The following CASD1 variants were observed in gnomAD, a reference collection of about 807,000 sequenced individuals.
The protein encoded by CASD1 is CAS1 domain sialic acid O acetyltransferase 1.
A neutral mutation model predicts 100.0 loss-of-function variants in CASD1; 41 were observed. The observed-to-expected ratio is 0.41, with a 90% CI of 0.32 to 0.53. The LOEUF (loss-of-function observed/expected upper bound fraction) is 0.53, where lower values mean the gene tolerates loss of function less well. Ranked by LOEUF, CASD1 falls within the 20% of genes least tolerant of loss-of-function variation. The pLI is 0.25. For synonymous variants in CASD1, 321 were observed against 315.6 expected (o/e 1.02, Z -0.18); for missense variants, 774 against 948.7 (o/e 0.82, Z 2.42).
At chr7:94,539,370 T>A (rs929966964) in intron 10 of CASD1, among the ~76,000 whole-genome samples, 3 of 152,148 alleles carry the variant, frequency 2.0e-5, no homozygotes, top group Non-Finnish European at 4.4e-5. Flanking sequence ...TTTGAAGTTA[T>A]CAGGAAACTT....
chr7:94,597,510 T>C, the CASD1 span: 1 of 152,102 alleles, frequency 6.6e-6, no homozygotes. Context: ...ATGTGTTCAC[T>C]TTAATATTAT....
intron 16 of CASD1, among the ~76,000 whole-genome samples, chr7:94,552,717 A>G (rs955860816): frequency 6.6e-6 from 1 of 152,204 alleles, no homozygotes; most frequent in African/African-American, 2.4e-5. Flanking sequence ...CCAGTGGATC[A>G]CCTGAGGTTA....
the CASD1 span, among the ~76,000 whole-genome samples, chr7:94,564,073 T>A: frequency 8.6e-6 from 1 of 115,838 alleles, no homozygotes; most frequent in African/African-American, 5.1e-5. Context: ...GACTATTTTA[T>A]GACACAGCAA....
the CASD1 span, among the ~76,000 whole-genome samples, chr7:94,615,447 A>G: frequency 1.3e-5 from 2 of 152,290 alleles, no homozygotes; most frequent in East Asian, 3.9e-4. Flanking sequence ...GTAAGTTACC[A>G]TAGATAGAGA....
chr7:94,532,174 A>G (rs1794883464), intron 5 of CASD1, among the ~76,000 whole-genome samples: 1 of 152,234 alleles, frequency 6.6e-6, no homozygotes, highest in Non-Finnish European at 1.5e-5. Context: ...TGTGCCTGAA[A>G]CCATAGATGG....
intron 5 of CASD1, 28 bp from the exon 6 acceptor site, chr7:94,533,177 A>G: frequency 8.9e-6 from 14 of 1,568,990 alleles, no homozygotes; most frequent in African/African-American, 1.3e-5. Flanking sequence ...TGATTATAAT[A>G]CTATGATAAA....
chr7:94,549,534 G>T lies in CASD1; in HGVS notation c.1715G>T (p.Gly572Val). 2 of 1,601,302 alleles carry T rather than the reference G, an allele frequency of 1.2e-6. No homozygotes were observed. The highest frequency in any genetic ancestry group is 1.7e-6 in the Non-Finnish European group (2 of 1,173,864). ...TATTTTCTGGATTCCTTTTTTCAGG[G>T]TGCATTTGAGAAGATCTTTTCTCTT... Reference protein sequence around the residue: ...LFICFLAYSQGAFEKIFSLWP... With the variant: ...LFICFLAYSQVAFEKIFSLWP... Residue 572 changes from glycine to valine, a missense_variant and splice_region_variant, in exon 14 of 18, where the codon GGT (glycine) becomes GTT (valine). By Grantham distance (109) the Gly-to-Val change is moderately radical (BLOSUM62 -3). Transcript: ENST00000297273.
intron 1 of CASD1, among the ~76,000 whole-genome samples, chr7:94,514,062 A>C (rs1348911670): frequency 6.6e-6 from 1 of 152,182 alleles, no homozygotes; most frequent in East Asian, 1.9e-4. Flanking sequence ...AATCTGGATA[A>C]ATTTTAATTT....
chr7:94,575,528 G>T, the CASD1 span, among the ~76,000 whole-genome samples: 1 of 152,004 alleles, frequency 6.6e-6, no homozygotes, highest in African/African-American at 2.4e-5. Context: ...TGTTTTTTTG[G>T]GTGGAGAGTT....
intron 3 of CASD1, among the ~76,000 whole-genome samples, chr7:94,524,936 T>C (rs1381017143): frequency 6.6e-6 from 1 of 152,112 alleles, no homozygotes; most frequent in African/African-American, 2.4e-5. Flanking sequence ...TCTTGAGAAA[T>C]TGGAAAAAAT....
chr7:94,525,559 G>A (rs1377147834), intron 3 of CASD1, among the ~76,000 whole-genome samples: 1 of 152,186 alleles, frequency 6.6e-6, no homozygotes, highest in East Asian at 1.9e-4. Context: ...AGAAGAAAGA[G>A]ATCGAGTTGC....
At chr7:94,624,280 T>C in the CASD1 span, 1 of 397,854 alleles carries the variant, frequency 2.5e-6, no homozygotes. Context: ...AAAACTGACT[T>C]CAACTAAAAA....
chr7:94,565,757 C>T, the CASD1 span, among the ~76,000 whole-genome samples: 1 of 152,154 alleles, frequency 6.6e-6, no homozygotes, highest in Non-Finnish European at 1.5e-5. Flanking sequence ...CCTCATCTAA[C>T]CATATACATT....
downstream of CASD1, among the ~76,000 whole-genome samples, chr7:94,558,188 A>G (rs1204618585): frequency 6.6e-6 from 1 of 152,124 alleles, no homozygotes; most frequent in African/African-American, 2.4e-5. Context: ...AGCCCATCTA[A>G]ATTAATAATG....
the CASD1 span, among the ~76,000 whole-genome samples, chr7:94,601,416 C>A: frequency 1.6e-5 from 2 of 128,774 alleles, no homozygotes; most frequent in African/African-American, 6.3e-5. Flanking sequence ...GAACCTATCC[C>A]AGTCTTACTT....
the CASD1 span, among the ~76,000 whole-genome samples, chr7:94,563,954 C>T: frequency 1.3e-5 from 2 of 152,096 alleles, no homozygotes; most frequent in African/African-American, 2.4e-5. Context: ...CTCTAGAGTA[C>T]GCATGTCTCA....
chr7:94,587,704 A>T, the CASD1 span: 2 of 1,534,332 alleles, frequency 1.3e-6, no homozygotes, highest in Non-Finnish European at 1.8e-6. Context: ...TAAAGCAAGT[A>T]ATCAAAATTG....
chr7:94,510,847 C>T lies in CASD1; in HGVS notation c.133+630C>T, dbSNP rs139370418. On this transcript the variant is annotated intron_variant, in intron 1 of 17. Transcript: ENST00000297273. The stretch of plus-strand genomic sequence containing the variant: ...CCACCCAGCTTTTGTGATGCAGAAA[C>T]GTTTAAAGGCTTCGGAGTGCACACT... 1.6e-3 allele frequency among the ~76,000 whole-genome samples: 245 copies of T among 152,330 alleles called. 4 individuals carry two copies. Among genetic ancestry groups the T allele is most frequent in the South Asian group, 0.013 (63 of 4,828 alleles).
chr7:94,623,722 G>T, the CASD1 span: 1 of 397,292 alleles, frequency 2.5e-6, no homozygotes, highest in South Asian at 1.3e-4. Flanking sequence ...ACTTACCAGT[G>T]ATGTTCTAAG....
Sources: gnomAD v4.1 joint callset for allele counts (sites outside exome capture counted in the v4.1 genomes callset) on GRCh38, gnomAD v4.1.1 for gene constraint, MANE v1.5 for transcripts, NCBI Gene and HGNC (gene_info 2026-07-23, HGNC 2026-07-21) for gene names.